TRAPPC10: variants seen among roughly 807,000 people sequenced by gnomAD.
The protein encoded by TRAPPC10 is trafficking protein particle complex subunit 10.
In TRAPPC10, 23 loss-of-function variants were observed where a neutral mutation model predicts 125.5. That is an observed-to-expected ratio of 0.18 (90% CI 0.13 to 0.26). The LOEUF is 0.26. TRAPPC10 is among the 10% of genes least tolerant of loss of function. The pLI is 1.00. For synonymous variants in TRAPPC10, 509 were observed against 518.0 expected (o/e 0.98, Z 0.24); for missense variants, 1,123 against 1,308.4 (o/e 0.86, Z 2.19).
intron 18 of TRAPPC10, among the ~76,000 whole-genome samples, chr21:44,091,591 C>T (rs2038583663): frequency 6.6e-6 from 1 of 152,112 alleles, no homozygotes; most frequent in Non-Finnish European, 1.5e-5. Context: ...AGACACGTGC[C>T]ACCACGTCTG....
At chr21:44,085,461 A>C (rs2038060609) in intron 15 of TRAPPC10, among the ~76,000 whole-genome samples, 1 of 152,228 alleles carries the variant, frequency 6.6e-6, no homozygotes, top group South Asian at 2.1e-4. Context: ...TTGGGAGGCC[A>C]AGGCTTTGAG....
intron 7 of TRAPPC10, among the ~76,000 whole-genome samples, chr21:44,072,830 C>T (rs190886904): frequency 1.1e-4 from 16 of 152,306 alleles, no homozygotes; most frequent in East Asian, 3.9e-4. Context: ...GAAGCTTTTG[C>T]GCAGTGGGTA....
Position 44,074,360 on chromosome 21 carries a change from T to A in TRAPPC10, c.1075T>A (p.Phe359Ile). Residue 359 changes from phenylalanine to isoleucine, a missense_variant, in exon 8 of 23, where the codon TTT becomes ATT. Around this residue, in one of 4 missense-constraint regions of TRAPPC10, gnomAD observed 840 missense variants for 902.0 expected, o/e 0.93. Transcript: ENST00000291574. Reference sequence around the variant, plus strand: ...ACCTGGTGCTCTGGACTGCTGGGTGTTTCTGAGCTGTCTGGAGGTGTTGCA... The same window carrying A: ...ACCTGGTGCTCTGGACTGCTGGGTGATTCTGAGCTGTCTGGAGGTGTTGCA... ...VPPGALDCWV[F>I]LSCLEVLQRI... is the part of the protein sequence containing the mutation. The A allele has an allele frequency of 6.2e-7, 1 of 1,614,182 alleles. No homozygotes were observed. The highest frequency in any genetic ancestry group is 8.5e-7 in the Non-Finnish European group (1 of 1,180,034).
At chr21:44,066,335 G>A (rs2299816) in intron 7 of TRAPPC10, among the ~76,000 whole-genome samples, 32,065 of 152,144 alleles carry the variant, frequency 0.21, 3,883 homozygotes, top group African/African-American at 0.33. Context: ...CAAGACGGCC[G>A]GATAGAGGCC....
chr21:44,070,183 G>C (rs756108425), intron 7 of TRAPPC10, among the ~76,000 whole-genome samples: 1 of 152,134 alleles, frequency 6.6e-6, no homozygotes, highest in Non-Finnish European at 1.5e-5. Flanking sequence ...TGTGTGGGTT[G>C]CACTCAAGTG....
intron 1 of TRAPPC10, among the ~76,000 whole-genome samples, chr21:44,013,964 G>A (rs1397976942): frequency 6.6e-6 from 1 of 152,224 alleles, no homozygotes; most frequent in Non-Finnish European, 1.5e-5. Context: ...AGTGCTCAGG[G>A]AAGATGAAGC....
chr21:44,095,114 A>G (rs1480411930), intron 20 of TRAPPC10, among the ~76,000 whole-genome samples: 2 of 150,830 alleles, frequency 1.3e-5, no homozygotes, highest in Non-Finnish European at 3.0e-5. Context: ...CAGTGGCACA[A>G]TCATAGCTCA....
At chr21:44,023,190 G>A (rs144450110) in intron 1 of TRAPPC10, among the ~76,000 whole-genome samples, 1 of 151,458 alleles carries the variant, frequency 6.6e-6, no homozygotes. Flanking sequence ...CCGCCACCAC[G>A]CCGGGCTAAT....
intron 8 of TRAPPC10, 107 bp downstream of exon 8, chr21:44,074,577 G>A (rs761686846): frequency 6.1e-5 from 88 of 1,449,966 alleles, no homozygotes; most frequent in Non-Finnish European, 7.4e-5. Flanking sequence ...TTTAGATCAC[G>A]ATGCATCCAC....
At chr21:44,073,983 T>A (rs3216366) in intron 7 of TRAPPC10, among the ~76,000 whole-genome samples, 18,113 of 151,610 alleles carry the variant, frequency 0.12, 2,730 homozygotes, top group African/African-American at 0.35. Context: ...TTCCTTTTTT[T>A]AAAAAAAAAT....
intron 3 of TRAPPC10, among the ~76,000 whole-genome samples, chr21:44,039,252 G>A (rs1038908637): frequency 2.6e-5 from 4 of 152,126 alleles, no homozygotes; most frequent in East Asian, 1.9e-4. Flanking sequence ...CCGTCAGCCC[G>A]TCCCCTATTC....
At chr21:44,050,136 T>C (rs1418318147) in intron 3 of TRAPPC10, among the ~76,000 whole-genome samples, 1 of 152,198 alleles carries the variant, frequency 6.6e-6, no homozygotes, top group Non-Finnish European at 1.5e-5. Flanking sequence ...CTGGCTCTGC[T>C]GGTCCTCTTA....
At chr21:44,054,841 C>T (rs2035459206) in intron 4 of TRAPPC10, among the ~76,000 whole-genome samples, 1 of 152,174 alleles carries the variant, frequency 6.6e-6, no homozygotes, top group African/African-American at 2.4e-5. Context: ...GGCCCACAGC[C>T]TAGCAGCAGT....
At chr21:44,037,232 G>T (rs182747489) in intron 2 of TRAPPC10, among the ~76,000 whole-genome samples, 1 of 152,310 alleles carries the variant, frequency 6.6e-6, no homozygotes, top group East Asian at 1.9e-4. Context: ...GATGCAGGGG[G>T]CGTGTGGGAT....
chr21:44,049,523 A>G (rs2035090269), intron 3 of TRAPPC10, among the ~76,000 whole-genome samples: 1 of 152,324 alleles, frequency 6.6e-6, no homozygotes, highest in African/African-American at 2.4e-5. Context: ...CTTAAATTGA[A>G]TAAAAAGGCA....
intron 1 of TRAPPC10, among the ~76,000 whole-genome samples, chr21:44,018,238 A>G (rs2032093017): frequency 6.6e-6 from 1 of 152,066 alleles, no homozygotes; most frequent in South Asian, 2.1e-4. Flanking sequence ...TATCTCTACA[A>G]AAATGAAAAT....
intron 3 of TRAPPC10, among the ~76,000 whole-genome samples, chr21:44,051,052 C>T (rs905665960): frequency 6.6e-6 from 1 of 152,180 alleles, no homozygotes; most frequent in Non-Finnish European, 1.5e-5. Context: ...TACAGGTGCA[C>T]ACCGCCATGC....
chr21:44,069,096 C>G (rs2036665719), intron 7 of TRAPPC10, among the ~76,000 whole-genome samples: 1 of 152,058 alleles, frequency 6.6e-6, no homozygotes, highest in Non-Finnish European at 1.5e-5. Context: ...TCTTTGGGAC[C>G]TTAAGGTTGG....
In TRAPPC10 at chr21:44,063,682, C is replaced by G; in HGVS notation, c.935C>G (p.Ser312Cys). 1 of 1,614,208 alleles carries G rather than the reference C, an allele frequency of 6.2e-7. No homozygotes were observed. The highest frequency in any genetic ancestry group is 8.5e-7 in the Non-Finnish European group (1 of 1,180,044). Residue 312 changes from serine (S) to cysteine (C), a missense_variant, in exon 7 of 23, where the codon TCT becomes TGT. Coordinates refer to ENST00000291574, the MANE Select transcript of TRAPPC10 (RefSeq NM_003274.5). This position sits in a 1 kb window ranked among gnomAD's most constrained non-coding sequence, Gnocchi z 4.4. Reference protein sequence around the residue: ...TLLDLRSYLFSRQCTLLLFLQ... With the variant: ...TLLDLRSYLFCRQCTLLLFLQ... The stretch of plus-strand genomic sequence containing the variant: ...TTAGATCTGCGCAGTTACCTGTTCT[C>G]TCGCCAGTGCACCTTGCTGCTCTTC...
Sources: allele counts gnomAD v4.1 joint callset (sites outside exome capture counted in the v4.1 genomes callset), GRCh38; gene constraint gnomAD v4.1.1; regional missense constraint gnomAD v4.1.1; non-coding constraint Gnocchi (gnomAD v3.1); transcripts MANE v1.5; gene names NCBI Gene and HGNC (gene_info 2026-07-23, HGNC 2026-07-21).